Variants in APPL2 observed in about 807,000 individuals in gnomAD.
APPL2 encodes the protein DCC-interacting protein 13-beta.
A neutral mutation model predicts 92.7 loss-of-function variants in APPL2; 84 were observed. The observed-to-expected ratio is 0.91, with a 90% CI of 0.76 to 1.09. The LOEUF (loss-of-function observed/expected upper bound fraction) is 1.09, where lower values mean the gene tolerates loss of function less well. APPL2 is among the 50% of genes least tolerant of loss of function. The pLI is 0.00. For synonymous variants in APPL2, 291 were observed against 291.0 expected, an observed-to-expected ratio of 1.00 and a Z score of 0.00; for missense variants, 736 against 824.5, an observed-to-expected ratio of 0.89 and a Z score of 1.31.
Position 105,174,397 on chromosome 12 carries a change from C to T in APPL2, c.1912G>A (p.Gly638Arg). The T allele has an allele frequency of 1.9e-6, 3 of 1,613,960 alleles. No individual in the cohort carries two copies. Among genetic ancestry groups the T allele is most frequent in the Non-Finnish European group, 2.5e-6 (3 of 1,179,876 alleles). ...LMLSIPLTND[G>R]KYVLLNDQPD... ...TGATCGTTTAACAGTACATATTTTC[C>T]GTCATTGGTTAGTGGTATGGACAGC... is the stretch of plus-strand genomic sequence containing the variant. Residue 638 changes from glycine to arginine, a missense_variant, in exon 21 of 21, where the codon GGA becomes AGA. Gly to Arg is a moderately radical substitution (Grantham distance 125, BLOSUM62 -2). Transcript: ENST00000258530.
At chr12:105,189,622 A>G in intron 16 of APPL2, 150 bp downstream of exon 16, 1 of 855,724 alleles carries the variant, frequency 1.2e-6, no homozygotes, top group Non-Finnish European at 1.8e-6. Context: ...ACTTGCCTCC[A>G]CTGCAGATAT....
chr12:105,183,070 C>CT lies in APPL2; in HGVS notation c.1634+5202dup, dbSNP rs56345779. Among the ~76,000 whole-genome samples the CT allele has an allele frequency of 6.1e-3, 541 of 88,400 alleles. 11 individuals are homozygous for CT. Among genetic ancestry groups the CT allele is most frequent in the African/African-American group, 0.02 (430 of 22,032 alleles). The allele number at this position is 88,400 out of a possible 152,430, so 58.0% of individuals were successfully genotyped here. A position where few individuals can be genotyped will look rare whatever the true frequency, so the allele number is the denominator to read the frequency against. On this transcript the variant is annotated intron_variant, in intron 17 of 20. Coordinates refer to ENST00000258530, the MANE Select transcript of APPL2 (RefSeq NM_018171.5). ...TCAGAGACTAGGATTGCAACCCCTGCTTTTTTTTTTTTTTTTTTTTTTGCT... is the reference window on the plus strand; with the variant it reads ...TCAGAGACTAGGATTGCAACCCCTGCTTTTTTTTTTTTTTTTTTTTTTTGCT...
At chr12:105,207,896 C>A in intron 7 of APPL2, 75 bp downstream of exon 7, 1 of 1,379,094 alleles carries the variant, frequency 7.3e-7, no homozygotes, top group South Asian at 1.2e-5. Context: ...CCTTTCATGC[C>A]ATAAATTCAC....
intron 20 of APPL2, among the ~76,000 whole-genome samples, chr12:105,175,194 T>G (rs929430353): frequency 6.6e-6 from 1 of 152,204 alleles, no homozygotes; most frequent in Non-Finnish European, 1.5e-5. Context: ...TGCTTTTGTC[T>G]TATGATAGCA....
chr12:105,206,662 C>T (rs1271982923), intron 8 of APPL2, among the ~76,000 whole-genome samples: 1 of 152,170 alleles, frequency 6.6e-6, no homozygotes, highest in Non-Finnish European at 1.5e-5. Context: ...GAGGAGCCAG[C>T]AGAGCGGGGG....
intron 17 of APPL2, among the ~76,000 whole-genome samples, chr12:105,186,622 T>TATGATATATATGATATCG (rs375988140): frequency 1.4e-4 from 18 of 125,662 alleles, no homozygotes; most frequent in African/African-American, 5.6e-4. Context: ...ATATCATATA[T>TATGATATATATGATATCG]ATATCATATA....
Position 105,217,708 on chromosome 12 carries a change from G to A in APPL2, c.171C>T (p.Ala57=), listed in dbSNP as rs773356546. 3 of 1,613,882 alleles carry A rather than the reference G, an allele frequency of 1.9e-6. No homozygotes were observed. In the South Asian group the frequency reaches 3.3e-5, roughly 18 times the overall value. Residue 57 remains alanine, a synonymous_variant, in exon 3 of 21, where the codon GCC becomes GCT. Coordinates refer to ENST00000258530, the MANE Select transcript of APPL2 (RefSeq NM_018171.5). ...GCAGTTGCTTAGAAAGCTGTTGTGT[G>A]GCCAGGCACATCTCATTCTGTGGAG... ...VYGAQNEMCL[A]TQQLSKQLLA... is the part of the protein sequence containing the mutation.
At chr12:105,230,121 C>T (rs781054377) in intron 1 of APPL2, among the ~76,000 whole-genome samples, 1 of 152,106 alleles carries the variant, frequency 6.6e-6, no homozygotes, top group Non-Finnish European at 1.5e-5. Flanking sequence ...TTTTCAAACT[C>T]ACGGCCAAGA....
At position 105,229,231 on chromosome 12, in the gene APPL2, A is replaced by G. The variant is rs757257108; in HGVS notation, c.55-8T>C. 1 of 1,608,334 alleles carries G rather than the reference A, an allele frequency of 6.2e-7. No homozygotes were observed. Among genetic ancestry groups the G allele is most frequent in the Non-Finnish European group, 8.5e-7 (1 of 1,176,932 alleles). On this transcript the variant is annotated splice_region_variant and splice_polypyrimidine_tract_variant and intron_variant, in intron 1 of 20. Transcript: ENST00000258530. The stretch of plus-strand genomic sequence containing the variant: ...GCTCAGTAAAGAGCGAGTCTGGAAG[A>G]AAAGAAGAAAAAAGGTCAATTTCAT...
At chr12:105,191,571 G>A (rs539671713) in intron 14 of APPL2, among the ~76,000 whole-genome samples, 2 of 152,284 alleles carry the variant, frequency 1.3e-5, no homozygotes, top group Non-Finnish European at 2.9e-5. Context: ...AGGTTGTAGA[G>A]GGCCCTTATA....
intron 5 of APPL2, among the ~76,000 whole-genome samples, chr12:105,211,014 G>A (rs61940679): frequency 2.1e-4 from 32 of 152,094 alleles, no homozygotes; most frequent in Non-Finnish European, 3.1e-4. Context: ...ACATTACAAC[G>A]ATCTGTTTCC....
chr12:105,198,925 C>T (rs191752158), intron 10 of APPL2, among the ~76,000 whole-genome samples: 15 of 152,330 alleles, frequency 9.8e-5, no homozygotes, highest in Admixed American at 3.9e-4. Context: ...ACTTAAAGAC[C>T]TGAGTGGTAA....
rs113619609 is a variant in APPL2 at position 105,231,828 on chromosome 12, C to A, written c.55-2605G>T. Among the ~76,000 whole-genome samples the A allele has an allele frequency of 6.4e-3, 979 of 152,350 alleles. 20 individuals carry two copies. Among genetic ancestry groups the A allele is most frequent in the African/African-American group, 0.022 (922 of 41,566 alleles). On this transcript the variant is annotated intron_variant, in intron 1 of 20. Coordinates refer to ENST00000258530, the MANE Select transcript of APPL2 (RefSeq NM_018171.5). Reference sequence around the variant, plus strand: ...CTTTTTAATTTAACTTGGCAGTGATCACCTCTGGAAAAAATATAACCAGCT... The same window carrying A: ...CTTTTTAATTTAACTTGGCAGTGATAACCTCTGGAAAAAATATAACCAGCT...
At chr12:105,226,118 A>G (rs1890483508) in intron 2 of APPL2, among the ~76,000 whole-genome samples, 1 of 152,246 alleles carries the variant, frequency 6.6e-6, no homozygotes, top group Non-Finnish European at 1.5e-5. Context: ...TTAGGGGAAA[A>G]AACTTGAATG....
At chr12:105,221,819 G>C (rs902810149) in intron 2 of APPL2, among the ~76,000 whole-genome samples, 3 of 152,214 alleles carry the variant, frequency 2.0e-5, no homozygotes, top group Admixed American at 2.0e-4. Context: ...AGAAAATCAA[G>C]TGGCTAGCAA....
At chr12:105,233,942 G>A in intron 1 of APPL2, among the ~76,000 whole-genome samples, 1 of 152,188 alleles carries the variant, frequency 6.6e-6, no homozygotes, top group East Asian at 1.9e-4. Flanking sequence ...GAAGGGGATG[G>A]ATTAGATTCC....
chr12:105,192,784 C>T (rs533307021), intron 14 of APPL2, among the ~76,000 whole-genome samples: 509 of 152,266 alleles, frequency 3.3e-3, no homozygotes, highest in Non-Finnish European at 4.0e-3. Flanking sequence ...GTAATCCCTG[C>T]GTTTTCTTAC....
rs8015 is a variant in APPL2 at position 105,173,353 on chromosome 12, C to T, written c.*961G>A. The stretch of plus-strand genomic sequence containing the variant: ...AATTTATTACAAAGATAATAATAGT[C>T]TGTTGAACTTAGTTACAGTTAAACA... On this transcript the variant is annotated 3_prime_UTR_variant, in exon 21 of 21. Transcript: ENST00000258530. The T allele has an allele frequency of 0.18, 27,088 of 150,882 alleles. 2,599 individuals are homozygous for T. The highest frequency in any genetic ancestry group is 0.25 in the East Asian group (1,306 of 5,176). The allele number at this position is 150,882 out of a possible 1,614,324, so 9.3% of individuals were successfully genotyped here.
chr12:105,229,179 G>A lies in APPL2; in HGVS notation c.99C>T (p.Leu33=). The change falls in exon 2 of 21, where the codon CTC becomes CTT. Residue 33 remains leucine, a synonymous_variant. Coordinates refer to ENST00000258530, the MANE Select transcript of APPL2 (RefSeq NM_018171.5). ...LSVFEEDAGT[L]TDYTNQLLQA... is the part of the protein sequence containing the mutation. ...GGAGCAGCTGGTTGGTATAGTCTGTGAGGGTGCCAGCATCTTCTTCAAACA... is the reference window on the plus strand; with the variant it reads ...GGAGCAGCTGGTTGGTATAGTCTGTAAGGGTGCCAGCATCTTCTTCAAACA... 1 of 1,613,812 alleles carries A rather than the reference G, an allele frequency of 6.2e-7. No homozygotes were observed. The highest frequency in any genetic ancestry group is 8.5e-7 in the Non-Finnish European group (1 of 1,179,888).
Sources: allele counts gnomAD v4.1 joint callset (sites outside exome capture counted in the v4.1 genomes callset), GRCh38; gene constraint gnomAD v4.1.1; transcripts MANE v1.5; gene names NCBI Gene and HGNC (gene_info 2026-07-23, HGNC 2026-07-21).